Variants in SORCS1 observed in about 807,000 individuals in gnomAD.
SORCS1 encodes VPS10 domain-containing receptor SorCS1.
In SORCS1, 60 loss-of-function variants were observed where a neutral mutation model predicts 146.1. The observed-to-expected ratio is 0.41, with a 90% CI of 0.33 to 0.51. SORCS1 has a LOEUF of 0.51. Ranked by LOEUF, SORCS1 falls within the 20% of genes least tolerant of loss-of-function variation. SORCS1 has a pLI of 0.21. For missense variants in SORCS1, 1,352 were observed against 1,487.6 expected, an observed-to-expected ratio of 0.91 and a Z score of 1.50; for synonymous variants, 637 against 584.0, an observed-to-expected ratio of 1.09 and a Z score of -1.31.
At chr10:106,769,652 C>CT (rs1173651735) in intron 4 of SORCS1, among the ~76,000 whole-genome samples, 3 of 152,012 alleles carry the variant, frequency 2.0e-5, no homozygotes, top group Non-Finnish European at 2.9e-5. Context: ...AAAATTAGTT[C>CT]TTTTTTAATA....
chr10:106,587,239 T>C (rs1484794993), intron 24 of SORCS1, among the ~76,000 whole-genome samples: 1 of 152,124 alleles, frequency 6.6e-6, no homozygotes, highest in East Asian at 1.9e-4. Context: ...GACTTGTAAA[T>C]GATTACTATG....
intron 1 of SORCS1, among the ~76,000 whole-genome samples, chr10:106,999,598 C>T (rs938482082): frequency 3.3e-5 from 5 of 152,172 alleles, no homozygotes; most frequent in African/African-American, 1.2e-4. Flanking sequence ...GAGGAGAAAT[C>T]ACTTTGAGTT....
intron 1 of SORCS1, among the ~76,000 whole-genome samples, chr10:107,048,725 T>C (rs1282644715): frequency 6.6e-6 from 1 of 152,160 alleles, no homozygotes; most frequent in Non-Finnish European, 1.5e-5. Flanking sequence ...GGTGACACCA[T>C]TTTTTGGATG....
Position 107,164,366 on chromosome 10 carries a change from C to G in SORCS1, c.161G>C (p.Arg54Thr). ...TGGCCGCCCCTGGTGGGAAAAGCCC[C>G]TAGGGGTCGAGGCCGAGCGTGGAGC... ...SSAPRSASTP[R>T]GFSHQGRPGR... The change falls in exon 1 of 26, where the codon AGG becomes ACG. Residue 54 changes from arginine to threonine, a missense_variant. By Grantham distance (71) the Arg-to-Thr change is moderately conservative. Around this residue, in one of 3 missense-constraint regions of SORCS1, gnomAD observed 490 missense variants for 489.1 expected, o/e 1.00. Coordinates refer to ENST00000263054, the MANE Select transcript of SORCS1 (RefSeq NM_052918.5). This position sits in a 1 kb window ranked among gnomAD's most constrained non-coding sequence, Gnocchi z 6.8. The G allele has an allele frequency of 1.3e-6, 2 of 1,495,796 alleles. No individual in the cohort carries two copies. The highest frequency in any genetic ancestry group is 1.8e-6 in the Non-Finnish European group (2 of 1,125,768). The allele number at this position is 1,495,796 out of a possible 1,614,324, so 92.7% of individuals were successfully genotyped here.
At position 107,022,616 on chromosome 10, in the gene SORCS1, C is replaced by T. The variant is rs566216454; in HGVS notation, c.559-66036G>A. Among the ~76,000 whole-genome samples, 3 of 152,146 alleles carry T rather than the reference C, an allele frequency of 2.0e-5. No individual in the cohort carries two copies. The East Asian group carries it at 5.8e-4, about 29-fold the overall frequency. On this transcript the variant is annotated intron_variant, in intron 1 of 25. Transcript: ENST00000263054. The stretch of plus-strand genomic sequence containing the variant: ...ATGTCTAACAATAAGGCAGCGGACA[C>T]AGGTGATAGAGCAGTACCAAACAAG...
intron 1 of SORCS1, among the ~76,000 whole-genome samples, chr10:107,042,287 G>T (rs913096687): frequency 8.5e-5 from 13 of 152,318 alleles, no homozygotes; most frequent in Non-Finnish European, 1.5e-4. Context: ...ACTATGGAAT[G>T]ACAATAATAA....
At chr10:106,952,520 G>A (rs149848260) in intron 2 of SORCS1, among the ~76,000 whole-genome samples, 5 of 136,038 alleles carry the variant, frequency 3.7e-5, no homozygotes, top group East Asian at 2.1e-4. Context: ...AAGTCCTACC[G>A]AGGTTTCATA....
At chr10:106,712,843 T>C (rs142049162) in intron 6 of SORCS1, among the ~76,000 whole-genome samples, 1 of 152,328 alleles carries the variant, frequency 6.6e-6, no homozygotes, top group East Asian at 1.9e-4. Flanking sequence ...TCTGGCTTTT[T>C]GCTGAAAAAT....
At chr10:106,611,595 G>A (rs1846992277) in intron 22 of SORCS1, among the ~76,000 whole-genome samples, 1 of 152,126 alleles carries the variant, frequency 6.6e-6, no homozygotes, top group Non-Finnish European at 1.5e-5. Context: ...GCCTAATTGT[G>A]AACTCTGCTA....
At chr10:107,005,630 A>G (rs1287606117) in intron 1 of SORCS1, among the ~76,000 whole-genome samples, 1 of 152,148 alleles carries the variant, frequency 6.6e-6, no homozygotes, top group African/African-American at 2.4e-5. Flanking sequence ...TCTCTTGGTA[A>G]AATTCTGCAC....
At chr10:107,088,194 T>C (rs1046724968) in intron 1 of SORCS1, among the ~76,000 whole-genome samples, 2 of 151,100 alleles carry the variant, frequency 1.3e-5, no homozygotes, top group African/African-American at 4.9e-5. Context: ...GGCCTGAATT[T>C]ATTTTTTTTA....
At chr10:106,983,281 T>C (rs906995609) in intron 1 of SORCS1, among the ~76,000 whole-genome samples, 3 of 149,200 alleles carry the variant, frequency 2.0e-5, no homozygotes, top group African/African-American at 7.3e-5. Flanking sequence ...TACATATACA[T>C]ATTTCTATTC....
chr10:106,891,501 A>ATTTTTTTTTT (rs562213104), intron 2 of SORCS1, among the ~76,000 whole-genome samples: 9 of 74,110 alleles, frequency 1.2e-4, no homozygotes, highest in East Asian at 4.5e-4. Context: ...TTCAATGGGA[A>ATTTTTTTTTT]TTCTTTTTTT....
chr10:106,677,396 T>C lies in SORCS1; in HGVS notation c.1749A>G (p.Glu583=), dbSNP rs200351186. 4.3e-5 allele frequency: 70 copies of C among 1,613,784 alleles called. No individual in the cohort carries two copies. Among genetic ancestry groups the C allele is most frequent in the Non-Finnish European group, 5.6e-5 (66 of 1,179,848 alleles). ...DAGNTWRQIF[E]EEHSVLYLDQ... ...CCAGGTACAAAACACTGTGCTCTTC[T>C]TCAAAGATCTGGATGAGGAAAACAC... The change falls in exon 13 of 26, where the codon GAA becomes GAG. Residue 583 remains glutamate (E), a synonymous_variant. Transcript: ENST00000263054.
chr10:106,683,181 T>C (rs1852573434), intron 10 of SORCS1, among the ~76,000 whole-genome samples: 1 of 152,230 alleles, frequency 6.6e-6, no homozygotes, highest in Non-Finnish European at 1.5e-5. Context: ...TTTCTTTGCC[T>C]GATTCTTTTA....
At chr10:107,061,719 C>T (rs1015810731) in intron 1 of SORCS1, among the ~76,000 whole-genome samples, 1 of 152,118 alleles carries the variant, frequency 6.6e-6, no homozygotes, top group East Asian at 1.9e-4. Flanking sequence ...TTATTTCTCA[C>T]ATAACTTATG....
chr10:106,949,874 C>T (rs1454788813), intron 2 of SORCS1, among the ~76,000 whole-genome samples: 2 of 152,182 alleles, frequency 1.3e-5, no homozygotes, highest in Non-Finnish European at 2.9e-5. Context: ...CTTCCAGCTC[C>T]TTCCAGAATT....
intron 1 of SORCS1, among the ~76,000 whole-genome samples, chr10:107,078,724 T>C (rs1159588636): frequency 1.3e-5 from 2 of 152,114 alleles, no homozygotes; most frequent in African/African-American, 4.8e-5. Context: ...CCAACACCCC[T>C]CTCCTCTTCC....
intron 3 of SORCS1, among the ~76,000 whole-genome samples, chr10:106,781,288 T>C (rs2136416227): frequency 6.6e-6 from 1 of 152,358 alleles, no homozygotes; most frequent in Non-Finnish European, 1.5e-5. Context: ...GCATATACTT[T>C]TTCGTACCAT....
Sources: gnomAD v4.1 joint callset for allele counts (sites outside exome capture counted in the v4.1 genomes callset) on GRCh38, gnomAD v4.1.1 for gene constraint, gnomAD v4.1.1 regional missense constraint, Gnocchi (gnomAD v3.1) non-coding constraint, MANE v1.5 for transcripts, NCBI Gene and HGNC (gene_info 2026-07-23, HGNC 2026-07-21) for gene names.